The following XPO4 variants were observed in gnomAD, a reference collection of about 807,000 sequenced individuals.
XPO4 encodes the protein exportin 4, also known as exportin-4.
A neutral mutation model predicts 143.0 loss-of-function variants in XPO4; 39 were observed. That is an observed-to-expected ratio of 0.27 (90% CI 0.21 to 0.36). The LOEUF is 0.36. Among genes scored for constraint, XPO4 ranks in the 10% least tolerant of loss-of-function variants. The pLI is 1.00. For missense variants in XPO4, 907 were observed against 1,348.0 expected (o/e 0.67, Z 5.12); for synonymous variants, 439 against 474.0 (o/e 0.93, Z 0.96).
intron 2 of XPO4, among the ~76,000 whole-genome samples, chr13:20,866,940 G>A (rs1007989322): frequency 4.6e-5 from 7 of 152,152 alleles, no homozygotes; most frequent in African/African-American, 1.7e-4. Flanking sequence ...AAACACTGAT[G>A]GAATCCTAGT....
chr13:20,840,579 T>G (rs1307465078), intron 6 of XPO4, among the ~76,000 whole-genome samples: 1 of 152,186 alleles, frequency 6.6e-6, no homozygotes, highest in African/African-American at 2.4e-5. Flanking sequence ...TTAGACCCTC[T>G]CCATGGTACA....
At chr13:20,892,635 T>C (rs1435146294) in intron 1 of XPO4, among the ~76,000 whole-genome samples, 1 of 152,116 alleles carries the variant, frequency 6.6e-6, no homozygotes, top group Non-Finnish European at 1.5e-5. Context: ...CAACGTTCAT[T>C]AATCAATCAC....
chr13:20,886,854 A>T (rs528391929), intron 1 of XPO4, among the ~76,000 whole-genome samples: 1 of 152,138 alleles, frequency 6.6e-6, no homozygotes, highest in East Asian at 1.9e-4. Flanking sequence ...CGGGCGTATC[A>T]CCTGAGGTCA....
chr13:20,888,514 A>G (rs2060481721), intron 1 of XPO4, among the ~76,000 whole-genome samples: 1 of 151,950 alleles, frequency 6.6e-6, no homozygotes, highest in South Asian at 2.1e-4. Flanking sequence ...CCACACATGG[A>G]TAATTTTTTA....
chr13:20,857,564 A>T, intron 3 of XPO4, among the ~76,000 whole-genome samples: 1 of 142,698 alleles, frequency 7.0e-6, no homozygotes, highest in East Asian at 2.2e-4. Context: ...CGTCTCTACT[A>T]AAAAAAAAAA....
At chr13:20,902,751 A>G (rs2060634706), upstream of XPO4, 1 of 1,512,372 alleles carries the variant, frequency 6.6e-7, no homozygotes, top group Non-Finnish European at 8.9e-7. Context: ...TCTCTCTTCA[A>G]TGACGCGCCA....
chr13:20,834,016 T>C (rs1420901162), intron 6 of XPO4, among the ~76,000 whole-genome samples: 7 of 152,150 alleles, frequency 4.6e-5, no homozygotes, highest in African/African-American at 1.7e-4. Flanking sequence ...AAGTGAATTT[T>C]GTCTCCAGAG....
chr13:20,893,440 A>T (rs1187572107), intron 1 of XPO4, among the ~76,000 whole-genome samples: 1 of 152,090 alleles, frequency 6.6e-6, no homozygotes, highest in Non-Finnish European at 1.5e-5. Context: ...AGGATATGGA[A>T]TGAAACACGG....
intron 4 of XPO4, chr13:20,852,027 A>G (rs2138089403): frequency 1.0e-6 from 1 of 985,412 alleles, no homozygotes; most frequent in Non-Finnish European, 1.2e-6. Context: ...CATTCCTGAG[A>G]GAGGCAAGGG....
rs61954210 is a variant in XPO4 at position 20,876,067 on chromosome 13, T to C, written c.70-7366A>G. 2.5e-3 allele frequency among the ~76,000 whole-genome samples: 298 copies of C among 120,806 alleles called. 1 individual carries two copies. The highest frequency in any genetic ancestry group is 8.6e-3 in the South Asian group (34 of 3,950). The allele number at this position is 120,806 out of a possible 152,430, so 79.3% of individuals were successfully genotyped here. ...GAGTTTGAGACCAGCCTGACCAACA[T>C]AGTGAAACCCCATCTCTACTAAATA... On this transcript the variant is annotated intron_variant, in intron 1 of 22. Coordinates refer to ENST00000255305, the MANE Select transcript of XPO4 (RefSeq NM_022459.5).
At chr13:20,866,231 C>G (rs9506562) in intron 2 of XPO4, 446,253 of 984,308 alleles carry the variant, frequency 0.45, 105,416 homozygotes, top group Non-Finnish European at 0.49. Flanking sequence ...CACATGCATG[C>G]ACAGATACAC....
intron 18 of XPO4, among the ~76,000 whole-genome samples, chr13:20,795,580 A>C (rs576856875): frequency 7.6e-4 from 116 of 152,318 alleles, no homozygotes; most frequent in African/African-American, 2.7e-3. Context: ...TTCCTACACC[A>C]ACAGGGCTTT....
At chr13:20,850,936 C>T (rs569781179) in intron 4 of XPO4, 275 of 985,236 alleles carry the variant, frequency 2.8e-4, no homozygotes, top group Non-Finnish European at 3.2e-4. Flanking sequence ...ACCCTTTCTT[C>T]ATCTACAGAA....
At chr13:20,872,713 C>A (rs2060311294) in intron 1 of XPO4, among the ~76,000 whole-genome samples, 1 of 152,110 alleles carries the variant, frequency 6.6e-6, no homozygotes, top group Admixed American at 6.5e-5. Flanking sequence ...CCCAACGTCA[C>A]ACTATCAGTA....
intron 6 of XPO4, among the ~76,000 whole-genome samples, chr13:20,838,945 T>A (rs770387669): frequency 6.6e-6 from 1 of 152,146 alleles, no homozygotes; most frequent in African/African-American, 2.4e-5. Context: ...ACAAAATGGA[T>A]GAATCTTGAA....
chr13:20,870,435 TAA>T (rs35577937), intron 1 of XPO4, among the ~76,000 whole-genome samples: 1 of 147,142 alleles, frequency 6.8e-6, no homozygotes. Flanking sequence ...CCATCTCAAT[TAA>T]AAAAAAAAAA....
intron 16 of XPO4, 140 bp from the exon 17 acceptor site, chr13:20,797,197 C>T (rs1188339959): frequency 1.3e-6 from 1 of 772,840 alleles, no homozygotes; most frequent in Non-Finnish European, 1.9e-6. Flanking sequence ...CTAAACCAGA[C>T]TTTACACTCC....
At chr13:20,849,505 T>C (rs2060062699) in intron 4 of XPO4, 1 of 985,264 alleles carries the variant, frequency 1.0e-6, no homozygotes, top group Non-Finnish European at 1.2e-6. Flanking sequence ...GCTACTTTCC[T>C]AGGAAGGCAA....
chr13:20,880,133 C>CA lies in XPO4; in HGVS notation c.70-11433dup, dbSNP rs2060392988. 2.0e-5 allele frequency among the ~76,000 whole-genome samples: 3 copies of CA among 152,092 alleles called. No individual in the cohort carries two copies. In the South Asian group the frequency reaches 6.2e-4, roughly 32 times the overall value. On this transcript the variant is annotated intron_variant, in intron 1 of 22. Coordinates refer to ENST00000255305, the MANE Select transcript of XPO4 (RefSeq NM_022459.5). ...GAAATGTAGAAATGGTACAGCCAAA[C>CA]AAAAAAAGGAACAGCCACAGACGGG...
Sources: gnomAD v4.1 joint callset for allele counts (sites outside exome capture counted in the v4.1 genomes callset) on GRCh38, gnomAD v4.1.1 for gene constraint, MANE v1.5 for transcripts, NCBI Gene and HGNC (gene_info 2026-07-23, HGNC 2026-07-21) for gene names.